EGFR: variants seen among roughly 807,000 people sequenced by gnomAD.
The protein encoded by EGFR is epidermal growth factor receptor, also known as avian erythroblastic leukemia viral (v-erb-b) oncogene homolog.
Under a neutral mutation model 143.0 loss-of-function variants are expected in EGFR, and 58 were observed. The ratio of observed to expected loss-of-function variants is 0.41; its 90% confidence interval spans 0.33 to 0.50. The LOEUF (loss-of-function observed/expected upper bound fraction) is 0.50. Among genes scored for constraint, EGFR ranks in the 20% least tolerant of loss-of-function variants. EGFR has a pLI of 0.39. For synonymous variants in EGFR, 613 were observed against 594.4 expected, an observed-to-expected ratio of 1.03 and a Z score of -0.45; for missense variants, 1,307 against 1,579.0, an observed-to-expected ratio of 0.83 and a Z score of 2.92.
chr7:55,071,174 G>T (rs755622701), intron 1 of EGFR, among the ~76,000 whole-genome samples: 76 of 152,198 alleles, frequency 5.0e-4, no homozygotes, highest in Non-Finnish European at 1.0e-3. Context: ...GGAATTTGGA[G>T]GGTTGGTGTT....
In EGFR at chr7:55,100,350, G is replaced by GCA. The variant is rs1346120889; in HGVS notation, c.89-41931_89-41930dup. On this transcript the variant is annotated intron_variant, in intron 1 of 27. Coordinates refer to ENST00000275493, the MANE Select transcript of EGFR (RefSeq NM_005228.5). Reference sequence around the variant, plus strand: ...ATTGCTCCAATCACAGCTGTGGCTTGCACACAACCGCCATCTCTGCCCCAG... The same window carrying GCA: ...ATTGCTCCAATCACAGCTGTGGCTTGCACACACAACCGCCATCTCTGCCCCAG... Among the ~76,000 whole-genome samples, 3 of 152,348 alleles carry GCA rather than the reference G, an allele frequency of 2.0e-5. No homozygotes were observed. In the East Asian group the frequency reaches 5.8e-4, roughly 29 times the overall value.
chr7:55,187,923 G>A (rs1267801082), intron 20 of EGFR, among the ~76,000 whole-genome samples: 1 of 152,124 alleles, frequency 6.6e-6, no homozygotes, highest in Non-Finnish European at 1.5e-5. Flanking sequence ...AGCCCTGCGG[G>A]GCCCCTCACC....
At chr7:55,167,501 ATGGTGG>A (rs372699612) in intron 15 of EGFR, among the ~76,000 whole-genome samples, 1 of 125,668 alleles carries the variant, frequency 8.0e-6, no homozygotes, top group East Asian at 2.3e-4. Context: ...GGGAGTCACA[ATGGTGG>A]TGGTGGTGAT....
chr7:55,035,040 G>T (rs79979837), intron 1 of EGFR, among the ~76,000 whole-genome samples: 1 of 152,170 alleles, frequency 6.6e-6, no homozygotes, highest in Non-Finnish European at 1.5e-5. Context: ...GAGAGTGCCT[G>T]TTCTGTTTGG....
intron 15 of EGFR, among the ~76,000 whole-genome samples, chr7:55,166,809 AGGAGGTGGGAGTCACAATGGTGGCAGTGT>A (rs1786033307): frequency 8.8e-6 from 1 of 114,234 alleles, no homozygotes; most frequent in Admixed American, 8.7e-5. Context: ...GGTGGTGGTG[AGGAGGTGGGAGTCACAATGGTGGCAGTGT>A]TGGTGGTGAG....
chr7:55,161,462 C>T (rs1785697571), intron 12 of EGFR, 37 bp from the exon 13 acceptor site: 1 of 1,604,442 alleles, frequency 6.2e-7, no homozygotes, highest in South Asian at 1.1e-5. Context: ...GGTCCCTGCT[C>T]TGTCACTGAC....
chr7:55,156,550 A>G lies in EGFR; in HGVS notation c.1024A>G (p.Ile342Val). Residue 342 changes from isoleucine (I) to valine (V), a missense_variant, in exon 9 of 28, where the codon ATT (isoleucine) becomes GTT (valine). Transcript: ENST00000275493. ...CTCTGCAGTGTGTAACGGAATAGGTATTGGTGAATTTAAAGACTCACTCTC... is the reference window on the plus strand; with the variant it reads ...CTCTGCAGTGTGTAACGGAATAGGTGTTGGTGAATTTAAAGACTCACTCTC... ...PCRKVCNGIG[I>V]GEFKDSLSIN... The G allele has an allele frequency of 1.2e-6, 2 of 1,614,232 alleles. No individual in the cohort carries two copies. The highest frequency in any genetic ancestry group is 1.7e-6 in the Non-Finnish European group (2 of 1,180,032).
At chr7:55,163,039 G>A (rs868761663) in intron 13 of EGFR, among the ~76,000 whole-genome samples, 6 of 152,160 alleles carry the variant, frequency 3.9e-5, no homozygotes, top group Non-Finnish European at 8.8e-5. Context: ...TGATCTGCCC[G>A]CCTCGGCCTC....
intron 1 of EGFR, among the ~76,000 whole-genome samples, chr7:55,078,324 G>A (rs1235896620): frequency 1.4e-5 from 2 of 142,886 alleles, no homozygotes; most frequent in Admixed American, 1.4e-4. Context: ...CCACAGCCCA[G>A]AGCGGTGCCA....
intron 20 of EGFR, among the ~76,000 whole-genome samples, chr7:55,185,239 A>G (rs1293765533): frequency 3.3e-5 from 5 of 152,246 alleles, no homozygotes; most frequent in Admixed American, 6.5e-5. Flanking sequence ...TCTACAAGGA[A>G]AATGGATTTT....
intron 1 of EGFR, among the ~76,000 whole-genome samples, chr7:55,049,601 C>T (rs113499335): frequency 2.8e-4 from 43 of 152,254 alleles, no homozygotes; most frequent in African/African-American, 1.0e-3. Context: ...CCTCCCACTG[C>T]AGACCCTCTC....
chr7:55,180,272 A>G (rs1786801069), intron 19 of EGFR: 1 of 152,260 alleles, frequency 6.6e-6, no homozygotes, highest in African/African-American at 2.4e-5. Flanking sequence ...GGTCACCACC[A>G]TTTGTATTTT....
chr7:55,070,643 C>A (rs932888193), intron 1 of EGFR, among the ~76,000 whole-genome samples: 2 of 152,182 alleles, frequency 1.3e-5, no homozygotes, highest in Non-Finnish European at 2.9e-5. Flanking sequence ...CTGGGATGTG[C>A]GCAGGCGATT....
At chr7:55,167,418 G>T (rs1344067351) in intron 15 of EGFR, among the ~76,000 whole-genome samples, 3 of 117,206 alleles carry the variant, frequency 2.6e-5, no homozygotes, top group Non-Finnish European at 5.3e-5. Flanking sequence ...TGGTGATGAG[G>T]GTGGTGATGG....
chr7:55,145,472 C>T (rs1794712837), intron 3 of EGFR, among the ~76,000 whole-genome samples: 1 of 152,186 alleles, frequency 6.6e-6, no homozygotes, highest in Non-Finnish European at 1.5e-5. Flanking sequence ...CCACTGTTTC[C>T]CTGCACTGGG....
intron 15 of EGFR, 72 bp from the exon 16 acceptor site, chr7:55,171,103 T>A: frequency 6.2e-7 from 1 of 1,604,834 alleles, no homozygotes; most frequent in Non-Finnish European, 8.5e-7. Flanking sequence ...TATGATTTAA[T>A]TAAAAATCTC....
chr7:55,163,645 A>C, intron 13 of EGFR, 88 bp from the exon 14 acceptor site: 1 of 1,146,754 alleles, frequency 8.7e-7, no homozygotes, highest in Non-Finnish European at 1.3e-6. Context: ...CCATTACCTC[A>C]AGTTATTTGG....
At chr7:55,151,195 TC>T in intron 4 of EGFR, 98 bp from the exon 5 acceptor site, 1 of 1,164,864 alleles carries the variant, frequency 8.6e-7, no homozygotes, top group Non-Finnish European at 1.3e-6. Context: ...GAAAAGATTG[TC>T]TTCATTTATT....
At chr7:55,138,106 A>T (rs1794256002) in intron 1 of EGFR, among the ~76,000 whole-genome samples, 1 of 152,254 alleles carries the variant, frequency 6.6e-6, no homozygotes, top group Non-Finnish European at 1.5e-5. Context: ...TCTGACAGAC[A>T]GAAAAATAGA....
Sources: allele counts gnomAD v4.1 joint callset (sites outside exome capture counted in the v4.1 genomes callset), GRCh38; gene constraint gnomAD v4.1.1; transcripts MANE v1.5; gene names NCBI Gene and HGNC (gene_info 2026-07-23, HGNC 2026-07-21).